The following RIPOR2 variants were observed in gnomAD, a reference collection of about 807,000 sequenced individuals.
The protein encoded by RIPOR2 is RHO family interacting cell polarization regulator 2, also known as rho family-interacting cell polarization regulator 2.
A neutral mutation model predicts 114.5 loss-of-function variants in RIPOR2; 39 were observed. That is an observed-to-expected ratio of 0.34 (90% confidence interval 0.26 to 0.44). The LOEUF is 0.44. Ranked by LOEUF, RIPOR2 falls within the 20% of genes least tolerant of loss-of-function variation. The pLI, the probability that RIPOR2 is intolerant of heterozygous loss-of-function variation, is 1.00. For synonymous variants in RIPOR2, 445 were observed against 484.4 expected (o/e 0.92, Z 1.07); for missense variants, 1,007 against 1,255.1 (o/e 0.80, Z 2.99).
chr6:24,948,533 C>CTT (rs35993841), intron 1 of RIPOR2, among the ~76,000 whole-genome samples: 32 of 145,476 alleles, frequency 2.2e-4, no homozygotes, highest in African/African-American at 4.1e-4. Flanking sequence ...TTCTTTCTTT[C>CTT]TTTTTTTTTT....
Position 24,976,434 on chromosome 6 carries a change from A to G in RIPOR2, c.76+65417T>C, listed in dbSNP as rs567950972. ...GCTATTAGCCATGGTCAACCCCACC[A>G]TGTTCTTCGACATTGCCGTCGACGG... On this transcript the variant is annotated intron_variant, in intron 1 of 13. Coordinates refer to the RIPOR2 transcript ENST00000510784. 51 of 1,560,326 alleles carry G rather than the reference A, an allele frequency of 3.3e-5. No individual in the cohort carries two copies. In the African/African-American group the frequency reaches 3.4e-4, roughly 10 times the overall value.
chr6:24,970,436 G>T (rs549880432), intron 1 of RIPOR2, among the ~76,000 whole-genome samples: 3 of 152,162 alleles, frequency 2.0e-5, no homozygotes, highest in Non-Finnish European at 4.4e-5. Context: ...CAAAGCAAGA[G>T]CAAGAACAGG....
chr6:24,866,268 C>T, intron 6 of RIPOR2, among the ~76,000 whole-genome samples: 1 of 152,164 alleles, frequency 6.6e-6, no homozygotes, highest in East Asian at 1.9e-4. Context: ...CACATCTACA[C>T]TTATGCTTCT....
chr6:24,935,320 C>CAAAAAAAAAAAAAAA (rs976245217), intron 1 of RIPOR2, among the ~76,000 whole-genome samples: 1 of 21,750 alleles, frequency 4.6e-5, no homozygotes, highest in Non-Finnish European at 8.6e-5. Context: ...AAAACAACAA[C>CAAAAAAAAAAAAAAA]AAAAAAAAAA....
chr6:24,830,601 A>T lies in RIPOR2; in HGVS notation c.2414T>A (p.Val805Asp). Residue 805 changes from valine (V) to aspartate (D), a missense_variant, in exon 17 of 22, where the codon GTC (valine) becomes GAC (aspartate). Val to Asp is a radical substitution (Grantham distance 152, BLOSUM62 -3). Transcript: ENST00000643898. The part of the protein sequence containing the change: ...FWTKCCSPVG[V>D]YHSPADRVMK... ...CACTCTGTCCGCTGGGCTGTGGTAG[A>T]CACCAACAGGGCTGCAGCACTTGGT... 6.4e-7 allele frequency: 1 copy of T among 1,551,546 alleles called. No homozygotes were observed. The highest frequency in any genetic ancestry group is 8.7e-7 in the Non-Finnish European group (1 of 1,146,960).
At chr6:24,915,622 C>T (rs1475887190) in intron 1 of RIPOR2, among the ~76,000 whole-genome samples, 3 of 152,324 alleles carry the variant, frequency 2.0e-5, no homozygotes, top group East Asian at 1.9e-4. Context: ...CTCGGCCTCC[C>T]GAAGTGCTAG....
chr6:25,038,377 G>C (rs760041835), intron 1 of RIPOR2, among the ~76,000 whole-genome samples: 4 of 152,162 alleles, frequency 2.6e-5, no homozygotes, highest in Non-Finnish European at 5.9e-5. Context: ...ATGTTATATG[G>C]CAAAAATGAG....
chr6:24,848,771 A>C (rs1266685884), intron 11 of RIPOR2, among the ~76,000 whole-genome samples: 1 of 152,182 alleles, frequency 6.6e-6, no homozygotes, highest in East Asian at 1.9e-4. Flanking sequence ...GATGATGACA[A>C]AGCAAGAGTG....
chr6:24,909,299 A>T (rs35374042), intron 1 of RIPOR2, among the ~76,000 whole-genome samples: 3,527 of 152,082 alleles, frequency 0.023, 47 homozygotes, highest in East Asian at 0.066. Flanking sequence ...ATAACTACTG[A>T]TGCTTCCTAA....
At chr6:24,838,563 G>A (rs1380733053) in intron 14 of RIPOR2, among the ~76,000 whole-genome samples, 7 of 152,086 alleles carry the variant, frequency 4.6e-5, no homozygotes, top group Admixed American at 2.6e-4. Context: ...AGGCTGAGGC[G>A]GGTGGATCAC....
At chr6:24,852,208 G>A (rs538822513) in intron 9 of RIPOR2, among the ~76,000 whole-genome samples, 1 of 152,248 alleles carries the variant, frequency 6.6e-6, no homozygotes, top group Admixed American at 6.5e-5. Flanking sequence ...GTTGCAGTGA[G>A]CTGAGATCAT....
At chr6:25,020,586 T>C (rs1046301099) in intron 1 of RIPOR2, among the ~76,000 whole-genome samples, 4 of 152,234 alleles carry the variant, frequency 2.6e-5, no homozygotes, top group African/African-American at 9.6e-5. Flanking sequence ...TTTCTGATAC[T>C]GGCAATTTCT....
At chr6:24,974,475 T>A (rs1265466125) in intron 1 of RIPOR2, among the ~76,000 whole-genome samples, 1 of 152,160 alleles carries the variant, frequency 6.6e-6, no homozygotes, top group Non-Finnish European at 1.5e-5. Context: ...AAGAGAGTAT[T>A]TCACACCCAG....
intron 1 of RIPOR2, among the ~76,000 whole-genome samples, chr6:24,980,373 G>T (rs1254823833): frequency 6.6e-6 from 1 of 152,150 alleles, no homozygotes; most frequent in Non-Finnish European, 1.5e-5. Flanking sequence ...TCACCAAGAG[G>T]GAGTGAAATC....
At position 24,879,199 on chromosome 6, in the gene RIPOR2, G is replaced by T. The variant is rs553016854; in HGVS notation, c.62-3382C>A. Among the ~76,000 whole-genome samples, 44 of 151,980 alleles carry T rather than the reference G, an allele frequency of 2.9e-4. 3 individuals are homozygous for T. The highest frequency in any genetic ancestry group is 6.3e-4 in the Non-Finnish European group (43 of 68,018). ...TACTGAAAATACAAAAATTAGCCAGGCATGGTGGCTGGCGCCTGTAATCCC... is the reference window on the plus strand; with the variant it reads ...TACTGAAAATACAAAAATTAGCCAGTCATGGTGGCTGGCGCCTGTAATCCC... On this transcript the variant is annotated intron_variant, in intron 1 of 21. Transcript: ENST00000643898.
intron 1 of RIPOR2, among the ~76,000 whole-genome samples, chr6:24,959,385 A>G (rs949800923): frequency 6.6e-6 from 1 of 151,998 alleles, no homozygotes; most frequent in Non-Finnish European, 1.5e-5. Context: ...TGTGATGTCC[A>G]TGACAGGTCC....
intron 1 of RIPOR2, among the ~76,000 whole-genome samples, chr6:25,029,730 A>G (rs1445752178): frequency 6.6e-6 from 1 of 152,184 alleles, no homozygotes; most frequent in Admixed American, 6.5e-5. Flanking sequence ...AAAAAACCAG[A>G]TATCTTCATT....
Position 24,878,581 on chromosome 6 carries a change from T to C in RIPOR2, c.62-2764A>G, listed in dbSNP as rs2817714. 7.0e-4 allele frequency among the ~76,000 whole-genome samples: 107 copies of C among 152,058 alleles called. 1 individual carries two copies. In the South Asian group the frequency reaches 0.015, roughly 22 times the overall value. On this transcript the variant is annotated intron_variant, in intron 1 of 21. Coordinates refer to ENST00000643898, the MANE Select transcript of RIPOR2 (RefSeq NM_001286445.3). Reference sequence around the variant, plus strand: ...GAAATTATATTTTTCAAGCCAATTTTCCCCCCTTATCCATTGGATCACGGT... The same window carrying C: ...GAAATTATATTTTTCAAGCCAATTTCCCCCCCTTATCCATTGGATCACGGT...
intron 1 of RIPOR2, among the ~76,000 whole-genome samples, chr6:24,946,803 G>A (rs536731921): frequency 6.6e-6 from 1 of 152,258 alleles, no homozygotes; most frequent in South Asian, 2.1e-4. Context: ...CTCTCCTGAC[G>A]TATTTCTTTT....
Sources: gnomAD v4.1 joint callset for allele counts (sites outside exome capture counted in the v4.1 genomes callset) on GRCh38, gnomAD v4.1.1 for gene constraint, MANE v1.5 for transcripts, NCBI Gene and HGNC (gene_info 2026-07-23, HGNC 2026-07-21) for gene names.